LENG9: variants seen among roughly 807,000 people sequenced by gnomAD.
The protein encoded by LENG9 is leukocyte receptor cluster member 9, also known as leukocyte receptor cluster (LRC) member 9.
For synonymous variants in LENG9, 410 were observed against 303.9 expected (o/e 1.35, Z -3.63); for missense variants, 872 against 652.7 (o/e 1.34, Z -3.66).
At position 54,461,868 on chromosome 19, in the gene LENG9, C is replaced by G; in HGVS notation, c.*222G>C. 1 of 677,086 alleles carries G rather than the reference C, an allele frequency of 1.5e-6. No individual in the cohort carries two copies. The highest frequency in any genetic ancestry group is 2.8e-6 in the Non-Finnish European group (1 of 361,274). The allele number at this position is 677,086 out of a possible 1,614,324, so 41.9% of individuals were successfully genotyped here. A position where few individuals can be genotyped will look rare whatever the true frequency, so the allele number is the denominator to read the frequency against. On this transcript the variant is annotated 3_prime_UTR_variant, in exon 1 of 1. Coordinates refer to ENST00000611161, the MANE Select transcript of LENG9 (RefSeq NM_001301782.2). ...TGCTATGAGTTTGCAAACAGCTGGACTGTCAGGCTGCTTTTTTTCCAGATG... is the reference window on the plus strand; with the variant it reads ...TGCTATGAGTTTGCAAACAGCTGGAGTGTCAGGCTGCTTTTTTTCCAGATG...
At position 54,462,668 on chromosome 19, in the gene LENG9, G is replaced by A. The variant is rs773097297; in HGVS notation, c.859C>T (p.Leu287Phe). The A allele has an allele frequency of 1.2e-6, 2 of 1,612,296 alleles. No individual in the cohort carries two copies. Among genetic ancestry groups the A allele is most frequent in the East Asian group, 2.2e-5 (1 of 44,888 alleles). ...GGTTGGCAAGGGGCTGCAACACTAAGGCGGGCCCTTTTGTCCTCGGGCCAG... is the reference window on the plus strand; with the variant it reads ...GGTTGGCAAGGGGCTGCAACACTAAAGCGGGCCCTTTTGTCCTCGGGCCAG... ...AAWPEDKRAR[L>F]SVAAPCQPRP... is the part of the protein sequence containing the mutation. Residue 287 changes from leucine to phenylalanine, a missense_variant, in exon 1 of 1, where the codon CTT becomes TTT. Transcript: ENST00000611161.
chr19:54,462,807 T>TACC lies in LENG9; in HGVS notation c.719_720insGGT (p.Ala240_Leu241insVal). The TACC allele has an allele frequency of 1.4e-6, 2 of 1,452,268 alleles. No individual in the cohort carries two copies. Among genetic ancestry groups the TACC allele is most frequent in the Non-Finnish European group, 1.9e-6 (2 of 1,065,274 alleles). 90.0% of individuals were successfully genotyped at this position (1,452,268 alleles called of 1,614,324 possible). On this transcript the variant is annotated inframe_insertion, in exon 1 of 1. Transcript: ENST00000611161. ...TCCTGGTGGCTGCTGTTGGCTTCAG[T>TACC]GCCTCAGTCACTCCGGCGAGGCGTC...
rs747601099 is a variant in LENG9, at chr19:54,462,746, C to A, written c.781G>T (p.Gly261Ter). The change falls in exon 1 of 1, where the codon GGA (glycine) becomes TGA (stop). Residue 261 changes from glycine to a stop codon, truncating the protein, a stop_gained. Transcript: ENST00000611161. LOFTEE classifies it low-confidence loss of function (END_TRUNC). ...LLGGKEAQAL[G>*]VPGGSAETTE... ...GTCTCAGCGGAGCCCCCCGGGACTC[C>A]CAGGGCCTGTGCTTCCTTGCCCCCC... 2 of 1,611,206 alleles carry A rather than the reference C, an allele frequency of 1.2e-6. No individual in the cohort carries two copies. The highest frequency in any genetic ancestry group is 1.7e-6 in the Non-Finnish European group (2 of 1,179,984).
rs750379463 is a variant in LENG9, at chr19:54,461,960, C to G, written c.*130G>C. The G allele has an allele frequency of 9.5e-7, 1 of 1,049,560 alleles. No individual in the cohort carries two copies. Among genetic ancestry groups the G allele is most frequent in the African/African-American group, 1.6e-5 (1 of 63,182 alleles). 65.0% of individuals were successfully genotyped at this position (1,049,560 alleles called of 1,614,324 possible). On this transcript the variant is annotated 3_prime_UTR_variant, in exon 1 of 1. Coordinates refer to ENST00000611161, the MANE Select transcript of LENG9 (RefSeq NM_001301782.2). Reference sequence around the variant, plus strand: ...CCTTCCTTCCTTCCTTTCCTTGGAGCACTGAGCACCATTTGGAAGCTTGAG... The same window carrying G: ...CCTTCCTTCCTTCCTTTCCTTGGAGGACTGAGCACCATTTGGAAGCTTGAG...
At position 54,463,467 on chromosome 19, in the gene LENG9, GGGC is replaced by G; in HGVS notation, c.57_59del (p.Pro22del). ...CCAGGAAGAAGCGGCAGGCCGGCGG[GGGC>G]GCGGGTTCCGTGGCGGGGGCTTCCT... On this transcript the variant is annotated inframe_deletion, in exon 1 of 1. Coordinates refer to ENST00000611161, the MANE Select transcript of LENG9 (RefSeq NM_001301782.2). 1 of 1,290,110 alleles carries G rather than the reference GGGC, an allele frequency of 7.8e-7. No individual in the cohort carries two copies. Among genetic ancestry groups the G allele is most frequent in the Non-Finnish European group, 9.8e-7 (1 of 1,018,530 alleles). 79.9% of individuals were successfully genotyped at this position (1,290,110 alleles called of 1,614,324 possible). A position where few individuals can be genotyped will look rare whatever the true frequency, so the allele number is the denominator to read the frequency against.
chr19:54,462,921 T>C lies in LENG9; in HGVS notation c.606A>G (p.Glu202=), dbSNP rs772246867. The C allele has an allele frequency of 1.2e-6, 2 of 1,612,434 alleles. No individual in the cohort carries two copies. Among genetic ancestry groups the C allele is most frequent in the Non-Finnish European group, 1.7e-6 (2 of 1,179,926 alleles). ...STRPLCTGHQ[E]PGVEEPGELE... ...GCTCTCCGGGTTCCTCCACGCCTGG[T>C]TCCTGGTGCCCTGTGCAGAGCGGCC... is the stretch of plus-strand genomic sequence containing the variant. The change falls in exon 1 of 1, where the codon GAA becomes GAG. Residue 202 remains glutamate, a synonymous_variant. Transcript: ENST00000611161.
rs1415656662 is a variant in LENG9 at position 54,461,741 on chromosome 19, CTT to C, written c.*347_*348del. ...ACCAGCTCACGTCATGTTGCCTTCT[CTT>C]TTCTTTGTGTGTGTGTTTATTTAAG... On this transcript the variant is annotated 3_prime_UTR_variant, in exon 1 of 1. Coordinates refer to ENST00000611161, the MANE Select transcript of LENG9 (RefSeq NM_001301782.2). 1 of 522,018 alleles carries C rather than the reference CTT, an allele frequency of 1.9e-6. No homozygotes were observed. Among genetic ancestry groups the C allele is most frequent in the Non-Finnish European group, 3.8e-6 (1 of 261,314 alleles). The allele number at this position is 522,018 out of a possible 1,614,324, so 32.3% of individuals were successfully genotyped here.
In LENG9 at chr19:54,463,227, G is replaced by A. The variant is rs745357419; in HGVS notation, c.300C>T (p.Pro100=). 6.5e-7 allele frequency: 1 copy of A among 1,547,666 alleles called. No individual in the cohort carries two copies. Among genetic ancestry groups the A allele is most frequent in the Admixed American group, 1.9e-5 (1 of 51,858 alleles). Residue 100 remains proline, a synonymous_variant, in exon 1 of 1, where the codon CCC becomes CCT. Transcript: ENST00000611161. ...VDRFLGVREE[P]FSAFCWDQPL... is the part of the protein sequence containing the mutation. ...GCTGGTCCCAGCAAAAGGCGCTGAA[G>A]GGCTCCTCGCGCACACCCAGAAAGC...
At position 54,463,669 on chromosome 19, in the gene LENG9, C is replaced by T. The variant is rs560626474; in HGVS notation, c.-143G>A. The T allele has an allele frequency of 5.3e-6, 6 of 1,142,372 alleles. No homozygotes were observed. The highest frequency in any genetic ancestry group is 3.4e-5 in the East Asian group (1 of 29,418). 70.8% of individuals were successfully genotyped at this position (1,142,372 alleles called of 1,614,324 possible). ...TAGCTCTGGGGACCACGCCGCGTGC[C>T]CTCGCGAGGACTCTGGCCCAGTCCC... On this transcript the variant is annotated 5_prime_UTR_variant, in exon 1 of 1. Transcript: ENST00000611161.
Position 54,462,356 on chromosome 19 carries a change from G to A in LENG9, c.1171C>T (p.Pro391Ser), listed in dbSNP as rs1447044221. Residue 391 changes from proline (P) to serine (S), a missense_variant, in exon 1 of 1, where the codon CCA becomes TCA. Transcript: ENST00000611161. ...ATGCTTTCCAGTGTGGGAGAGGGTG[G>A]GGCACACAGCACATGCGGGCCCAGG... ...VLLGPHVLCAPPSPTLESMAQ... is the reference protein window; with the variant it reads ...VLLGPHVLCASPSPTLESMAQ... 1.2e-6 allele frequency: 2 copies of A among 1,610,876 alleles called. No individual in the cohort carries two copies. Among genetic ancestry groups the A allele is most frequent in the African/African-American group, 2.7e-5 (2 of 74,878 alleles).
rs771211476 is a variant in LENG9, at chr19:54,463,016, C to A, written c.511G>T (p.Glu171Ter). ...CCCGCCAGTGTCCACTCGGCACCCT[C>A]TGCCCCGTGGGCGCCCTCGGTGTTC... ...APNTEGAHGAEGAEWTLAGTG... is the reference protein window; with the variant it reads ...APNTEGAHGA The change falls in exon 1 of 1, where the codon GAG (glutamate) becomes TAG (stop). Residue 171 changes from glutamate to a stop codon, truncating the protein, a stop_gained. Coordinates refer to ENST00000611161, the MANE Select transcript of LENG9 (RefSeq NM_001301782.2). LOFTEE classifies it low-confidence loss of function (END_TRUNC). 2.5e-6 allele frequency: 4 copies of A among 1,604,710 alleles called. No individual in the cohort carries two copies. Among genetic ancestry groups the A allele is most frequent in the Non-Finnish European group, 2.5e-6 (3 of 1,179,662 alleles).
Position 54,463,186 on chromosome 19 carries a change from C to G in LENG9, c.341G>C (p.Gly114Ala). The G allele has an allele frequency of 6.4e-7, 1 of 1,569,792 alleles. No individual in the cohort carries two copies. The highest frequency in any genetic ancestry group is 8.6e-7 in the Non-Finnish European group (1 of 1,164,306). ...CTGGGGCACTGCCAGCACGCCCGGC[C>G]CGAGCGCCGCCAGCGGCTGGTCCCA... ...FCWDQPLAAL[G>A]PGVLAVPQHR... The change falls in exon 1 of 1, where the codon GGG (glycine) becomes GCG (alanine). Residue 114 changes from glycine to alanine, a missense_variant. By Grantham distance (60) the Gly-to-Ala change is moderately conservative. Coordinates refer to ENST00000611161, the MANE Select transcript of LENG9 (RefSeq NM_001301782.2).
chr19:54,463,685 G>T lies in LENG9; in HGVS notation c.-159C>A. 1 of 983,764 alleles carries T rather than the reference G, an allele frequency of 1.0e-6. No individual in the cohort carries two copies. The highest frequency in any genetic ancestry group is 4.4e-5 in the South Asian group (1 of 22,578). The allele number at this position is 983,764 out of a possible 1,614,324, so 60.9% of individuals were successfully genotyped here. Reference sequence around the variant, plus strand: ...GCCGCGTGCCCTCGCGAGGACTCTGGCCCAGTCCCTCCTTGGTGGAGAGCC... The same window carrying T: ...GCCGCGTGCCCTCGCGAGGACTCTGTCCCAGTCCCTCCTTGGTGGAGAGCC... On this transcript the variant is annotated 5_prime_UTR_variant, in exon 1 of 1. Coordinates refer to ENST00000611161, the MANE Select transcript of LENG9 (RefSeq NM_001301782.2).
Position 54,463,087 on chromosome 19 carries a change from C to CT in LENG9, c.439_440insA (p.Gly147GlufsTer78), listed in dbSNP as rs2084649068. On this transcript the variant is annotated frameshift_variant, in exon 1 of 1. Transcript: ENST00000611161. LOFTEE classifies it low-confidence loss of function (END_TRUNC). ...CCCGCGTCCCGCCGCCGAGCCAGAGCCAAAGACGAGGTCGGTGCGCGAGGC... is the reference window on the plus strand; with the variant it reads ...CCCGCGTCCCGCCGCCGAGCCAGAGCTCAAAGACGAGGTCGGTGCGCGAGGC... 1.2e-5 allele frequency: 20 copies of CT among 1,602,742 alleles called. No individual in the cohort carries two copies. The highest frequency in any genetic ancestry group is 1.7e-5 in the Non-Finnish European group (20 of 1,179,460).
In LENG9 at chr19:54,462,737, C is replaced by T. The variant is rs778566485; in HGVS notation, c.790G>A (p.Gly264Arg). 1.8e-5 allele frequency: 29 copies of T among 1,610,874 alleles called. No homozygotes were observed. The highest frequency in any genetic ancestry group is 2.3e-5 in the Non-Finnish European group (27 of 1,180,006). ...GKEAQALGVP[G>R]GSAETTEAEW... Reference sequence around the variant, plus strand: ...GCTTCTGTCGTCTCAGCGGAGCCCCCCGGGACTCCCAGGGCCTGTGCTTCC... The same window carrying T: ...GCTTCTGTCGTCTCAGCGGAGCCCCTCGGGACTCCCAGGGCCTGTGCTTCC... The change falls in exon 1 of 1, where the codon GGG becomes AGG. Residue 264 changes from glycine to arginine, a missense_variant. Coordinates refer to ENST00000611161, the MANE Select transcript of LENG9 (RefSeq NM_001301782.2).
chr19:54,463,354 C>A lies in LENG9; in HGVS notation c.173G>T (p.Gly58Val). The A allele has an allele frequency of 7.3e-7, 1 of 1,370,684 alleles. No homozygotes were observed. The highest frequency in any genetic ancestry group is 9.4e-7 in the Non-Finnish European group (1 of 1,064,432). The allele number at this position is 1,370,684 out of a possible 1,614,324, so 84.9% of individuals were successfully genotyped here. A position where few individuals can be genotyped will look rare whatever the true frequency, so the allele number is the denominator to read the frequency against. The change falls in exon 1 of 1, where the codon GGG becomes GTG. Residue 58 changes from glycine (G) to valine (V), a missense_variant. Transcript: ENST00000611161. ...TGTGCGCAGCGGCGGCTTCTTGGCC[C>A]CGGCCTCCGGCTGCGCCTCGCGGCC... ...PPGREAQPEAGAKKPPLRTAA... is the reference protein window; with the variant it reads ...PPGREAQPEAVAKKPPLRTAA...
At position 54,462,808 on chromosome 19, in the gene LENG9, G is replaced by GCCT. The variant is rs36031488; in HGVS notation, c.716_718dup (p.Glu239dup). ...CCTGGTGGCTGCTGTTGGCTTCAGT[G>GCCT]CCTCAGTCACTCCGGCGAGGCGTCC... is the stretch of plus-strand genomic sequence containing the variant. On this transcript the variant is annotated inframe_insertion, in exon 1 of 1. Coordinates refer to ENST00000611161, the MANE Select transcript of LENG9 (RefSeq NM_001301782.2). 743,740 of 1,611,328 alleles carry GCCT rather than the reference G, an allele frequency of 0.46. 175,785 individuals are homozygous for GCCT. The highest frequency in any genetic ancestry group is 0.74 in the East Asian group (33,117 of 44,806).
chr19:54,462,086 G>T lies in LENG9; in HGVS notation c.*4C>A, dbSNP rs1233970197. On this transcript the variant is annotated 3_prime_UTR_variant, in exon 1 of 1. Coordinates refer to ENST00000611161, the MANE Select transcript of LENG9 (RefSeq NM_001301782.2). ...CCATTGTCTCCTCCAGAGGTCTGGG[G>T]GTGTCACTCCAGGGGGATCTCAGCC... 1.3e-6 allele frequency: 2 copies of T among 1,559,188 alleles called. No individual in the cohort carries two copies. The highest frequency in any genetic ancestry group is 1.7e-6 in the Non-Finnish European group (2 of 1,153,726).
chr19:54,463,229 G>C lies in LENG9; in HGVS notation c.298C>G (p.Pro100Ala). The change falls in exon 1 of 1, where the codon CCC (proline) becomes GCC (alanine). Residue 100 changes from proline to alanine, a missense_variant. Coordinates refer to ENST00000611161, the MANE Select transcript of LENG9 (RefSeq NM_001301782.2). ...VDRFLGVREE[P>A]FSAFCWDQPL... ...TGGTCCCAGCAAAAGGCGCTGAAGGGCTCCTCGCGCACACCCAGAAAGCGG... is the reference window on the plus strand; with the variant it reads ...TGGTCCCAGCAAAAGGCGCTGAAGGCCTCCTCGCGCACACCCAGAAAGCGG... The C allele has an allele frequency of 6.5e-7, 1 of 1,546,694 alleles. No individual in the cohort carries two copies. Among genetic ancestry groups the C allele is most frequent in the Non-Finnish European group, 8.7e-7 (1 of 1,152,344 alleles).
Sources: gnomAD v4.1 joint callset for allele counts on GRCh38, gnomAD v4.1.1 for gene constraint, MANE v1.5 for transcripts, NCBI Gene and HGNC (gene_info 2026-07-23, HGNC 2026-07-21) for gene names.